The following AIFM2 variants were observed in gnomAD, a reference collection of about 807,000 sequenced individuals.
AIFM2 encodes ferroptosis suppressor protein 1.
AIFM2 carries 38 observed loss-of-function variants against 35.7 expected under a neutral mutation model. The ratio of observed to expected loss-of-function variants is 1.06; its 90% CI spans 0.82 to 1.39. The LOEUF (loss-of-function observed/expected upper bound fraction) is 1.39. Ranked by LOEUF, AIFM2 falls within the 40% of genes most tolerant of loss-of-function variation. The pLI, the probability that AIFM2 is intolerant of heterozygous loss-of-function variation, is 0.00. For missense variants in AIFM2, 476 were observed against 491.2 expected (o/e 0.97, Z 0.29); for synonymous variants, 185 against 203.5 (o/e 0.91, Z 0.77).
At chr10:70,114,709 G>A in intron 8 of AIFM2, 1 of 602,124 alleles carries the variant, frequency 1.7e-6, no homozygotes, top group Non-Finnish European at 2.9e-6. Flanking sequence ...CCCGACCTCA[G>A]GTGATCTGCC....
intron 7 of AIFM2, 121 bp from the exon 8 acceptor site, chr10:70,115,241 A>T: frequency 9.9e-7 from 1 of 1,009,566 alleles, no homozygotes; most frequent in South Asian, 1.5e-5. Context: ...CACCCTCCTG[A>T]GGCATGACCA....
At chr10:70,127,743 C>T (rs2072584509) in intron 1 of AIFM2, among the ~76,000 whole-genome samples, 1 of 152,198 alleles carries the variant, frequency 6.6e-6, no homozygotes, top group South Asian at 2.1e-4. Flanking sequence ...AAACTCTTGC[C>T]TCACCCAAGG....
In AIFM2 at chr10:70,116,703, T is replaced by C. The variant is rs1023147507; in HGVS notation, c.688A>G (p.Lys230Glu). 8 of 1,614,096 alleles carry C rather than the reference T, an allele frequency of 5.0e-6. No homozygotes were observed. ...AGGTTGGTGGCCACCTCTGTGCCTTTGTCCGTCTGCACTTTGATGTACTCT... is the reference window on the plus strand; with the variant it reads ...AGGTTGGTGGCCACCTCTGTGCCTTCGTCCGTCTGCACTTTGATGTACTCT... ...YREYIKVQTD[K>E]GTEVATNLVI... Residue 230 changes from lysine (K) to glutamate (E), a missense_variant, in exon 7 of 9, where the codon AAA (lysine) becomes GAA (glutamate). Coordinates refer to ENST00000307864, the MANE Select transcript of AIFM2 (RefSeq NM_032797.6).
intron 1 of AIFM2, among the ~76,000 whole-genome samples, chr10:70,124,388 T>A (rs2072544054): frequency 6.6e-6 from 1 of 152,232 alleles, no homozygotes; most frequent in African/African-American, 2.4e-5. Context: ...ATAATCACGA[T>A]TATTTTTTGC....
intron 1 of AIFM2, among the ~76,000 whole-genome samples, chr10:70,126,841 G>C (rs910035466): frequency 6.6e-6 from 1 of 152,214 alleles, no homozygotes; most frequent in African/African-American, 2.4e-5. Context: ...GGGTCAAATG[G>C]TCCCCAAAGC....
chr10:70,120,303 G>T (rs376565051), intron 5 of AIFM2, among the ~76,000 whole-genome samples: 1 of 152,226 alleles, frequency 6.6e-6, no homozygotes, highest in Non-Finnish European at 1.5e-5. Flanking sequence ...GAGCAGCTCC[G>T]TAAGGTCAGG....
Position 70,113,017 on chromosome 10 carries a change from C to T in AIFM2, c.*1161G>A, listed in dbSNP as rs541994312. 6.6e-6 allele frequency: 1 copy of T among 152,334 alleles called. No individual in the cohort carries two copies. The highest frequency in any genetic ancestry group is 1.9e-4 in the East Asian group (1 of 5,186). 9.4% of individuals were successfully genotyped at this position (152,334 alleles called of 1,614,324 possible). On this transcript the variant is annotated 3_prime_UTR_variant, in exon 9 of 9. Coordinates refer to ENST00000307864, the MANE Select transcript of AIFM2 (RefSeq NM_032797.6). ...ATGCTGGGGGTCACCCGCAGAAACC[C>T]CCTCTGCTCGCTAATGGGTAAGCAG...
intron 7 of AIFM2, 133 bp from the exon 8 acceptor site, chr10:70,115,253 C>T (rs2072423299): frequency 2.2e-6 from 2 of 902,286 alleles, no homozygotes; most frequent in Non-Finnish European, 3.4e-6. Context: ...GCATGACCAC[C>T]CCCTGGAGGT....
At chr10:70,126,832 G>A (rs371432350) in intron 1 of AIFM2, among the ~76,000 whole-genome samples, 1 of 152,168 alleles carries the variant, frequency 6.6e-6, no homozygotes, top group East Asian at 1.9e-4. Context: ...GTTTCTCGTG[G>A]GTCAAATGGT....
At chr10:70,116,909 C>A in intron 6 of AIFM2, 135 bp from the exon 7 acceptor site, 1 of 1,016,232 alleles carries the variant, frequency 9.8e-7, no homozygotes, top group Admixed American at 2.1e-5. Flanking sequence ...CCTGTCTTCC[C>A]ACCATGCCCC....
Position 70,117,776 on chromosome 10 carries a change from A to T in AIFM2, c.616+36T>A. On this transcript the variant is annotated intron_variant, in intron 6 of 8. Coordinates refer to ENST00000307864, the MANE Select transcript of AIFM2 (RefSeq NM_032797.6). This position sits in a 1 kb window ranked among gnomAD's most constrained non-coding sequence, Gnocchi z 4.7. ...CCTCCAAGCCACATCTCACCAGGCC[A>T]GGGCAGGGCAGGGAGGGAGGTGAGG... is the stretch of plus-strand genomic sequence containing the variant. The T allele has an allele frequency of 6.5e-7, 1 of 1,546,856 alleles. No individual in the cohort carries two copies. Among genetic ancestry groups the T allele is most frequent in the Non-Finnish European group, 8.8e-7 (1 of 1,134,562 alleles).
Position 70,116,661 on chromosome 10 carries a change from C to A in AIFM2, c.730G>T (p.Gly244Cys). ...VATNLVILCT[G>C]IKINSSAYRK... ...TAGGCGGAGCTGTTGATCTTGATGC[C>A]GGTGCAGAGAATCACCAGGTTGGTG... The change falls in exon 7 of 9, where the codon GGC becomes TGC. Residue 244 changes from glycine to cysteine, a missense_variant. By Grantham distance (159) the Gly-to-Cys change is radical. Coordinates refer to ENST00000307864, the MANE Select transcript of AIFM2 (RefSeq NM_032797.6). 2 of 1,614,146 alleles carry A rather than the reference C, an allele frequency of 1.2e-6. No individual in the cohort carries two copies. Among genetic ancestry groups the A allele is most frequent in the Non-Finnish European group, 1.7e-6 (2 of 1,180,046 alleles).
chr10:70,116,218 A>G (rs1203769728), intron 7 of AIFM2, among the ~76,000 whole-genome samples: 1 of 152,230 alleles, frequency 6.6e-6, no homozygotes, highest in Non-Finnish European at 1.5e-5. Flanking sequence ...TCCCCAGTCA[A>G]TCCAAGCTCA....
intron 8 of AIFM2, 141 bp from the exon 9 acceptor site, chr10:70,114,470 AT>A (rs911871188): frequency 3.3e-4 from 352 of 1,065,016 alleles, no homozygotes; most frequent in Non-Finnish European, 3.8e-4. Context: ...TGAGACCCTG[AT>A]TTTTTTTTGT....
chr10:70,117,778 G>A lies in AIFM2; in HGVS notation c.616+34C>T. The A allele has an allele frequency of 6.4e-7, 1 of 1,557,462 alleles. No homozygotes were observed. Among genetic ancestry groups the A allele is most frequent in the Non-Finnish European group, 8.8e-7 (1 of 1,142,020 alleles). The stretch of plus-strand genomic sequence containing the variant: ...TCCAAGCCACATCTCACCAGGCCAG[G>A]GCAGGGCAGGGAGGGAGGTGAGGGT... On this transcript the variant is annotated intron_variant, in intron 6 of 8. Coordinates refer to ENST00000307864, the MANE Select transcript of AIFM2 (RefSeq NM_032797.6). This position sits in a 1 kb window ranked among gnomAD's most constrained non-coding sequence, Gnocchi z 4.7.
At chr10:70,114,865 C>G in intron 8 of AIFM2, 55 bp downstream of exon 8, 3 of 1,585,044 alleles carry the variant, frequency 1.9e-6, no homozygotes, top group South Asian at 1.1e-5. Context: ...AAAGGCTTCC[C>G]CATGTTTAAC....
At position 70,123,520 on chromosome 10, in the gene AIFM2, C is replaced by T. The variant is rs768114333; in HGVS notation, c.179G>A (p.Gly60Glu). ...AGAAATGAATGTCTTTTTGGCGAAC[C>T]CTGGGGAAGGGACACAGAAGAGGTC... ...VAALRASVET[G>E]FAKKTFISYS... The change falls in exon 3 of 9, where the codon GGG becomes GAG. Residue 60 changes from glycine to glutamate, a missense_variant and splice_region_variant. Transcript: ENST00000307864. 6 of 1,613,798 alleles carry T rather than the reference C, an allele frequency of 3.7e-6. No homozygotes were observed. The African/African-American group carries it at 4.0e-5, about 11-fold the overall frequency.
At position 70,113,058 on chromosome 10, in the gene AIFM2, G is replaced by A. The variant is rs921046906; in HGVS notation, c.*1120C>T. 1 of 152,250 alleles carries A rather than the reference G, an allele frequency of 6.6e-6. No homozygotes were observed. Among genetic ancestry groups the A allele is most frequent in the African/African-American group, 2.4e-5 (1 of 41,462 alleles). 9.4% of individuals were successfully genotyped at this position (152,250 alleles called of 1,614,324 possible). A position where few individuals can be genotyped will look rare whatever the true frequency, so the allele number is the denominator to read the frequency against. Reference sequence around the variant, plus strand: ...GGGTAAGCAGATGGCACCCCGCAAAGAGTCACATTATCTGCCCTTCCTTAA... The same window carrying A: ...GGGTAAGCAGATGGCACCCCGCAAAAAGTCACATTATCTGCCCTTCCTTAA... On this transcript the variant is annotated 3_prime_UTR_variant, in exon 9 of 9. Coordinates refer to ENST00000307864, the MANE Select transcript of AIFM2 (RefSeq NM_032797.6).
chr10:70,124,260 G>C (rs2072542380), intron 1 of AIFM2, among the ~76,000 whole-genome samples, 163 bp from the exon 2 acceptor site: 1 of 152,120 alleles, frequency 6.6e-6, no homozygotes, highest in Admixed American at 6.5e-5. Context: ...AATTCAGAAG[G>C]AACAAGGGGG....
Sources: allele counts gnomAD v4.1 joint callset (sites outside exome capture counted in the v4.1 genomes callset), GRCh38; gene constraint gnomAD v4.1.1; non-coding constraint Gnocchi (gnomAD v3.1); transcripts MANE v1.5; gene names NCBI Gene and HGNC (gene_info 2026-07-23, HGNC 2026-07-21).